The following CNBD1 variants were observed in gnomAD, a reference collection of about 807,000 sequenced individuals.
The protein encoded by CNBD1 is cyclic nucleotide binding domain containing 1, also known as cyclic nucleotide-binding domain-containing protein 1.
Under a neutral mutation model 54.4 loss-of-function variants are expected in CNBD1, and 71 were observed. That is an observed-to-expected ratio of 1.30 (90% CI 1.08 to 1.59). The LOEUF (loss-of-function observed/expected upper bound fraction) is 1.59. Among genes scored for constraint, CNBD1 ranks in the 40% most tolerant of loss-of-function variants. The pLI is 0.00. For synonymous variants in CNBD1, 182 were observed against 170.7 expected (o/e 1.07, Z -0.51); for missense variants, 659 against 518.0 (o/e 1.27, Z -2.64).
At chr8:86,978,101 G>T (rs1035300919) in intron 4 of CNBD1, among the ~76,000 whole-genome samples, 1 of 152,062 alleles carries the variant, frequency 6.6e-6, no homozygotes, top group Non-Finnish European at 1.5e-5. Flanking sequence ...ACTTTCAAAA[G>T]ATTGGAATGT....
In CNBD1 at chr8:87,284,232, TATTAA is replaced by T. The variant is rs545765891; in HGVS notation, c.772-440_772-436del. Reference sequence around the variant, plus strand: ...CCATGCCTAATATTTATTGTTTACATATTAAATTAAGCAATCATCCATAAATATTA... The same window carrying T: ...CCATGCCTAATATTTATTGTTTACATATTAAGCAATCATCCATAAATATTA... On this transcript the variant is annotated intron_variant, in intron 6 of 10. Transcript: ENST00000518476. Among the ~76,000 whole-genome samples the T allele has an allele frequency of 2.1e-4, 32 of 152,266 alleles. No homozygotes were observed. In the East Asian group the frequency reaches 6.0e-3, roughly 29 times the overall value.
At chr8:87,415,181 A>C (rs1032230415) in intron 2 of CNBD1, among the ~76,000 whole-genome samples, 2 of 152,102 alleles carry the variant, frequency 1.3e-5, no homozygotes, top group Non-Finnish European at 2.9e-5. Flanking sequence ...ATGTGGCATT[A>C]GTTTTCCCTG....
chr8:86,995,535 TAG>T (rs1808851962), intron 4 of CNBD1, among the ~76,000 whole-genome samples: 1 of 152,090 alleles, frequency 6.6e-6, no homozygotes, highest in Admixed American at 6.6e-5. Context: ...GAAATTCAGG[TAG>T]AGTTTTGAAG....
intron 8 of CNBD1, among the ~76,000 whole-genome samples, chr8:87,313,104 G>A (rs1809303763): frequency 6.6e-6 from 1 of 151,930 alleles, no homozygotes; most frequent in Admixed American, 6.6e-5. Context: ...GATGGGCAAG[G>A]ATTTTTACTA....
At chr8:87,100,439 T>C (rs912622181) in intron 4 of CNBD1, among the ~76,000 whole-genome samples, 5 of 152,182 alleles carry the variant, frequency 3.3e-5, no homozygotes, top group African/African-American at 1.2e-4. Flanking sequence ...CTCATAGTAC[T>C]TCTCAATCTG....
intron 2 of CNBD1, among the ~76,000 whole-genome samples, chr8:86,902,504 C>A (rs1187012480): frequency 6.6e-6 from 1 of 152,058 alleles, no homozygotes; most frequent in Non-Finnish European, 1.5e-5. Context: ...ACAGTTCCCA[C>A]CTTATGACAC....
At chr8:87,272,639 C>A (rs879690987) in intron 6 of CNBD1, among the ~76,000 whole-genome samples, 1 of 151,856 alleles carries the variant, frequency 6.6e-6, no homozygotes, top group Non-Finnish European at 1.5e-5. Flanking sequence ...AAATTCAGAT[C>A]ATATCAGAGC....
chr8:87,010,325 T>TGGA, intron 4 of CNBD1, among the ~76,000 whole-genome samples: 1 of 152,344 alleles, frequency 6.6e-6, no homozygotes. Context: ...AGCTTCAGTC[T>TGGA]GACATTGGTC....
At chr8:87,061,900 C>G (rs1398481779) in intron 4 of CNBD1, among the ~76,000 whole-genome samples, 2 of 152,184 alleles carry the variant, frequency 1.3e-5, no homozygotes, top group East Asian at 3.9e-4. Flanking sequence ...GTGGTATGCC[C>G]TGTCAGTACA....
chr8:87,395,733 T>A (rs1390603960), intron 2 of CNBD1, among the ~76,000 whole-genome samples: 1 of 151,788 alleles, frequency 6.6e-6, no homozygotes, highest in Non-Finnish European at 1.5e-5. Context: ...TATGGCTGTA[T>A]CCCCACCCAA....
intron 4 of CNBD1, among the ~76,000 whole-genome samples, chr8:87,187,200 ATATC>A (rs34599547): frequency 0.39 from 58,756 of 151,368 alleles, 13,036 homozygotes; most frequent in Non-Finnish European, 0.5. Flanking sequence ...ATATCTGCAC[ATATC>A]TATCTATATG....
chr8:87,032,938 C>T (rs1005199766), intron 4 of CNBD1, among the ~76,000 whole-genome samples: 6 of 152,160 alleles, frequency 3.9e-5, no homozygotes, highest in East Asian at 1.9e-4. Flanking sequence ...TCTTGATTTT[C>T]GTCAAGATTC....
chr8:87,071,437 T>C (rs1001782539), intron 4 of CNBD1, among the ~76,000 whole-genome samples: 10 of 152,120 alleles, frequency 6.6e-5, no homozygotes, highest in Admixed American at 2.6e-4. Context: ...AGAGGTTTTC[T>C]GGTAAAAGTC....
intron 8 of CNBD1, among the ~76,000 whole-genome samples, chr8:87,312,305 T>A (rs1410939022): frequency 6.6e-6 from 1 of 152,130 alleles, no homozygotes; most frequent in Non-Finnish European, 1.5e-5. Context: ...GTAACAATTG[T>A]GTGTGAGTTA....
intron 2 of CNBD1, among the ~76,000 whole-genome samples, chr8:87,395,852 A>G (rs1275407006): frequency 6.6e-6 from 1 of 151,894 alleles, no homozygotes; most frequent in Non-Finnish European, 1.5e-5. Context: ...TGTCAGCGTT[A>G]TAGTGAGTGA....
At chr8:87,370,669 T>G (rs893547848) in intron 10 of CNBD1, among the ~76,000 whole-genome samples, 2 of 151,148 alleles carry the variant, frequency 1.3e-5, no homozygotes, top group Non-Finnish European at 3.0e-5. Flanking sequence ...TTCTCCCATT[T>G]TGTAGGTTGC....
At chr8:87,039,898 G>A (rs1276294587) in intron 4 of CNBD1, among the ~76,000 whole-genome samples, 1 of 152,132 alleles carries the variant, frequency 6.6e-6, no homozygotes, top group Non-Finnish European at 1.5e-5. Flanking sequence ...TTCATAGGGA[G>A]TCAATGCTGT....
intron 4 of CNBD1, among the ~76,000 whole-genome samples, chr8:87,007,566 T>C (rs893580217): frequency 6.6e-6 from 1 of 152,188 alleles, no homozygotes; most frequent in African/African-American, 2.4e-5. Context: ...TCTTTGTTTC[T>C]TTCCTATGTT....
chr8:87,419,547 A>T (rs72668657), intron 2 of CNBD1, among the ~76,000 whole-genome samples: 27,706 of 151,846 alleles, frequency 0.18, 2,759 homozygotes, highest in South Asian at 0.23. Flanking sequence ...CATTTCAAAA[A>T]ATTTCAAAAG....
Sources: gnomAD v4.1 joint callset for allele counts (sites outside exome capture counted in the v4.1 genomes callset) on GRCh38, gnomAD v4.1.1 for gene constraint, MANE v1.5 for transcripts, NCBI Gene and HGNC (gene_info 2026-07-23, HGNC 2026-07-21) for gene names.